Variants in FHOD3 observed in about 807,000 individuals in gnomAD.
The protein encoded by FHOD3 is FH1/FH2 domain-containing protein 3.
A neutral mutation model predicts 173.0 loss-of-function variants in FHOD3; 90 were observed. The ratio of observed to expected loss-of-function variants is 0.52; its 90% CI spans 0.44 to 0.62. The LOEUF (loss-of-function observed/expected upper bound fraction) is 0.62, where lower values mean the gene tolerates loss of function less well. Among genes scored for constraint, FHOD3 ranks in the 20% least tolerant of loss-of-function variants. The pLI is 0.00. For missense variants in FHOD3, 1,945 were observed against 2,034.7 expected, an observed-to-expected ratio of 0.96 and a Z score of 0.85; for synonymous variants, 828 against 823.0, an observed-to-expected ratio of 1.01 and a Z score of -0.10.
chr18:36,644,612 T>A (rs2035556337), intron 10 of FHOD3, among the ~76,000 whole-genome samples: 1 of 152,238 alleles, frequency 6.6e-6, no homozygotes, highest in South Asian at 2.1e-4. Flanking sequence ...TATTGTGGGA[T>A]CTGAGGATGT....
At chr18:36,465,936 A>T (rs2052894212) in intron 3 of FHOD3, among the ~76,000 whole-genome samples, 1 of 152,106 alleles carries the variant, frequency 6.6e-6, no homozygotes, top group South Asian at 2.1e-4. Context: ...CTGAGATTAG[A>T]TCTGACCTCA....
chr18:36,718,360 C>CCCCG lies in FHOD3; in HGVS notation c.3062_3063insCCCG (p.Pro1023ThrfsTer31). 6.2e-7 allele frequency: 1 copy of CCCCG among 1,602,290 alleles called. No individual in the cohort carries two copies. Among genetic ancestry groups the CCCCG allele is most frequent in the Non-Finnish European group, 8.5e-7 (1 of 1,174,454 alleles). ...CTGGGTCACAGGGAGGCCCCTGGGC[C>CCCCG]ACCTCCCCCACCCCCACCCACCTTT... On this transcript the variant is annotated frameshift_variant, in exon 19 of 29. Transcript: ENST00000590592. LOFTEE classifies it high-confidence loss of function.
At position 36,402,073 on chromosome 18, in the gene FHOD3, G is replaced by A. The variant is rs528165067; in HGVS notation, c.337+29329G>A. ...ACTTAAATGTGGTGCTTTTAAAATT[G>A]TGATTGTTCAATTATAGCCCTGAGA... On this transcript the variant is annotated intron_variant, in intron 3 of 28. Transcript: ENST00000590592. Among the ~76,000 whole-genome samples, 7 of 152,270 alleles carry A rather than the reference G, an allele frequency of 4.6e-5. No homozygotes were observed. The South Asian group carries it at 1.4e-3, about 32-fold the overall frequency.
chr18:36,757,805 T>C (rs2042694953), intron 25 of FHOD3, among the ~76,000 whole-genome samples: 1 of 152,172 alleles, frequency 6.6e-6, no homozygotes, highest in Non-Finnish European at 1.5e-5. Context: ...CCTCATCCTG[T>C]GTACAAAGTT....
intron 20 of FHOD3, among the ~76,000 whole-genome samples, chr18:36,739,619 T>A (rs1468108448): frequency 6.6e-6 from 1 of 152,238 alleles, no homozygotes; most frequent in Non-Finnish European, 1.5e-5. Flanking sequence ...CTCCATGTGT[T>A]TATTATTTGT....
At chr18:36,483,880 C>T (rs1376775820) in intron 3 of FHOD3, among the ~76,000 whole-genome samples, 1 of 152,160 alleles carries the variant, frequency 6.6e-6, no homozygotes, top group Non-Finnish European at 1.5e-5. Context: ...TTCAAACTGG[C>T]CACCTCTTCA....
At chr18:36,388,748 C>CA (rs2048150867) in intron 3 of FHOD3, among the ~76,000 whole-genome samples, 1 of 152,102 alleles carries the variant, frequency 6.6e-6, no homozygotes, top group South Asian at 2.1e-4. Context: ...AAACCACAAG[C>CA]AAAAAACAAA....
At chr18:36,383,505 A>C (rs2047891397) in intron 3 of FHOD3, among the ~76,000 whole-genome samples, 1 of 152,366 alleles carries the variant, frequency 6.6e-6, no homozygotes, top group African/African-American at 2.4e-5. Context: ...GAGCTTGCCC[A>C]GGGACACAGA....
chr18:36,567,825 T>G (rs1285756440), intron 5 of FHOD3, among the ~76,000 whole-genome samples: 3 of 151,902 alleles, frequency 2.0e-5, no homozygotes, highest in African/African-American at 7.3e-5. Flanking sequence ...TTGCCCCCTC[T>G]CCCCCAGGTA....
chr18:36,484,666 G>A (rs2054100781), intron 3 of FHOD3, among the ~76,000 whole-genome samples: 1 of 152,146 alleles, frequency 6.6e-6, no homozygotes, highest in Admixed American at 6.5e-5. Context: ...CGATGTTTGA[G>A]GGAGCCTCTA....
intron 4 of FHOD3, among the ~76,000 whole-genome samples, chr18:36,505,136 G>A (rs535705164): frequency 2.0e-5 from 3 of 152,316 alleles, no homozygotes; most frequent in African/African-American, 7.2e-5. Context: ...AGAGATACAT[G>A]CATTACTCAT....
At chr18:36,604,173 G>A (rs533364308) in intron 8 of FHOD3, among the ~76,000 whole-genome samples, 54 of 152,248 alleles carry the variant, frequency 3.5e-4, no homozygotes, top group Non-Finnish European at 6.2e-4. Context: ...TTAGAGCACA[G>A]GCACCTCGCC....
At chr18:36,675,640 A>C (rs908453222) in intron 14 of FHOD3, among the ~76,000 whole-genome samples, 4 of 152,182 alleles carry the variant, frequency 2.6e-5, no homozygotes, top group African/African-American at 9.6e-5. Flanking sequence ...GGTCTAGTGC[A>C]AAAAACTCCT....
At chr18:36,659,766 C>A (rs1233539738) in intron 14 of FHOD3, among the ~76,000 whole-genome samples, 1 of 152,162 alleles carries the variant, frequency 6.6e-6, no homozygotes, top group Non-Finnish European at 1.5e-5. Context: ...CACAAGATTA[C>A]CAAAGCCCTG....
chr18:36,640,155 C>G (rs570467916), intron 10 of FHOD3, among the ~76,000 whole-genome samples: 32 of 152,318 alleles, frequency 2.1e-4, no homozygotes, highest in African/African-American at 7.7e-4. Context: ...TATACTCCTC[C>G]TAAACTTTGC....
chr18:36,613,716 C>T (rs917395145), intron 9 of FHOD3, among the ~76,000 whole-genome samples: 14 of 152,140 alleles, frequency 9.2e-5, no homozygotes, highest in African/African-American at 3.4e-4. Flanking sequence ...CTCTGTTGCC[C>T]AGGCTAGAGT....
intron 6 of FHOD3, among the ~76,000 whole-genome samples, chr18:36,580,783 C>A (rs901525602): frequency 1.3e-5 from 2 of 152,186 alleles, no homozygotes; most frequent in Non-Finnish European, 2.9e-5. Context: ...ACAGTTTGGT[C>A]AATACAGCTG....
At position 36,652,555 on chromosome 18, in the gene FHOD3, C is replaced by T. The variant is rs1568553252; in HGVS notation, c.1287-15C>T. 1 of 1,520,540 alleles carries T rather than the reference C, an allele frequency of 6.6e-7. No individual in the cohort carries two copies. The highest frequency in any genetic ancestry group is 8.8e-7 in the Non-Finnish European group (1 of 1,136,906). 94.2% of individuals were successfully genotyped at this position (1,520,540 alleles called of 1,614,324 possible). A position where few individuals can be genotyped will look rare whatever the true frequency, so the allele number is the denominator to read the frequency against. On this transcript the variant is annotated splice_polypyrimidine_tract_variant and intron_variant, in intron 11 of 28. Coordinates refer to ENST00000590592, the MANE Select transcript of FHOD3 (RefSeq NM_001281740.3). ...CTTTTTTTCTTCTTCCTCCTCCTCC[C>T]TGCTGGCCCAACAGCAAGGTCGGCG...
At chr18:36,575,157 G>A (rs2058602057) in intron 5 of FHOD3, among the ~76,000 whole-genome samples, 1 of 152,058 alleles carries the variant, frequency 6.6e-6, no homozygotes, top group Admixed American at 6.6e-5. Context: ...TTTTAGTAGA[G>A]ACAAGGTTTT....
Sources: gnomAD v4.1 joint callset for allele counts (sites outside exome capture counted in the v4.1 genomes callset) on GRCh38, gnomAD v4.1.1 for gene constraint, MANE v1.5 for transcripts, NCBI Gene and HGNC (gene_info 2026-07-23, HGNC 2026-07-21) for gene names.